Variants in TMEM120B observed in about 807,000 individuals in gnomAD.
The protein encoded by TMEM120B is transmembrane protein 120B.
In TMEM120B, 31 loss-of-function variants were observed where a neutral mutation model predicts 55.5. The observed-to-expected ratio is 0.56, with a 90% confidence interval of 0.42 to 0.75. TMEM120B has a LOEUF of 0.75. TMEM120B is among the 30% of genes least tolerant of loss of function. The pLI is 0.00. For missense variants in TMEM120B, 399 were observed against 425.5 expected, an observed-to-expected ratio of 0.94 and a Z score of 0.55; for synonymous variants, 203 against 176.3, an observed-to-expected ratio of 1.15 and a Z score of -1.20.
chr12:121,728,316 T>C (rs1017635223), intron 1 of TMEM120B, among the ~76,000 whole-genome samples: 2 of 150,724 alleles, frequency 1.3e-5, no homozygotes, highest in African/African-American at 4.9e-5. Context: ...AGTGAAACCC[T>C]GCCTCTACTA....
At chr12:121,757,729 G>A (rs1873526828) in intron 5 of TMEM120B, among the ~76,000 whole-genome samples, 1 of 152,152 alleles carries the variant, frequency 6.6e-6, no homozygotes, top group African/African-American at 2.4e-5. Context: ...TGTTAGCCAG[G>A]ATGGTCTCGA....
chr12:121,728,118 C>T (rs537069601), intron 1 of TMEM120B, among the ~76,000 whole-genome samples: 4 of 151,680 alleles, frequency 2.6e-5, no homozygotes, highest in East Asian at 2.0e-4. Context: ...AGTGATTCTC[C>T]GGCCTCAGCC....
chr12:121,731,667 A>G (rs1425452398), intron 1 of TMEM120B, among the ~76,000 whole-genome samples: 2 of 152,248 alleles, frequency 1.3e-5, no homozygotes, highest in Non-Finnish European at 2.9e-5. Context: ...TAATGACGGC[A>G]TCGCCTAATA....
rs1177130470 is a variant in TMEM120B at position 121,776,502 on chromosome 12, C to T, written c.*780C>T. The T allele has an allele frequency of 6.6e-6, 1 of 152,254 alleles. No individual in the cohort carries two copies. Among genetic ancestry groups the T allele is most frequent in the Non-Finnish European group, 1.5e-5 (1 of 68,076 alleles). 9.4% of individuals were successfully genotyped at this position (152,254 alleles called of 1,614,324 possible). A position where few individuals can be genotyped will look rare whatever the true frequency, so the allele number is the denominator to read the frequency against. ...CCTGTGGAGGGGAACCACCTCCCCC[C>T]TCCTTCCCAGAGCTTCTGGATGTTG... On this transcript the variant is annotated 3_prime_UTR_variant, in exon 12 of 12. Coordinates refer to ENST00000449592, the MANE Select transcript of TMEM120B (RefSeq NM_001080825.2).
At position 121,748,401 on chromosome 12, in the gene TMEM120B, C is replaced by T. The variant is rs367697914; in HGVS notation, c.264C>T (p.Asp88=). The change falls in exon 3 of 12, where the codon GAC becomes GAT. Residue 88 remains aspartate, a synonymous_variant. Transcript: ENST00000449592. ...QMAANIKERQ[D]VFFDMEAYLP... ...CAGCGAACATCAAGGAGCGGCAGGA[C>T]GTCTTCTTCGACATGGAGGCCTACC... The T allele has an allele frequency of 8.7e-6, 14 of 1,610,726 alleles. No homozygotes were observed. The highest frequency in any genetic ancestry group is 3.3e-5 in the South Asian group (3 of 91,024).
chr12:121,759,795 G>C (rs554424647), intron 5 of TMEM120B, among the ~76,000 whole-genome samples: 1 of 152,032 alleles, frequency 6.6e-6, no homozygotes, highest in East Asian at 1.9e-4. Flanking sequence ...TCAGGAGTTC[G>C]ATACCAGCCT....
At chr12:121,765,001 C>T (rs1451657928) in intron 6 of TMEM120B, among the ~76,000 whole-genome samples, 1 of 152,208 alleles carries the variant, frequency 6.6e-6, no homozygotes, top group Middle Eastern at 3.2e-3. Context: ...TACCCTCCAT[C>T]TGCCATTCAT....
chr12:121,752,111 C>G lies in TMEM120B; in HGVS notation c.366-17C>G. On this transcript the variant is annotated splice_polypyrimidine_tract_variant and intron_variant, in intron 4 of 11. Transcript: ENST00000449592. ...TCATGGTAAGGGGCACACCCCTGGG[C>G]GTGTCTGTCGTGGCAGGTTCGCCTA... is the stretch of plus-strand genomic sequence containing the variant. 1 of 1,605,248 alleles carries G rather than the reference C, an allele frequency of 6.2e-7. No individual in the cohort carries two copies. The highest frequency in any genetic ancestry group is 8.5e-7 in the Non-Finnish European group (1 of 1,172,870).
chr12:121,769,317 G>A (rs1190567363), intron 6 of TMEM120B, among the ~76,000 whole-genome samples: 1 of 152,098 alleles, frequency 6.6e-6, no homozygotes, highest in Non-Finnish European at 1.5e-5. Context: ...TGTAGCTCCT[G>A]GGGAGAAGCT....
intron 1 of TMEM120B, among the ~76,000 whole-genome samples, chr12:121,731,597 T>G (rs1036758041): frequency 6.6e-6 from 1 of 152,200 alleles, no homozygotes; most frequent in Non-Finnish European, 1.5e-5. Flanking sequence ...TGTAGGTTTG[T>G]AGCCCAGGAG....
rs772233201 is a variant in TMEM120B at position 121,779,485 on chromosome 12, T to G, written c.*3763T>G. ...GCCCTGTCAGTGCTGTCGTGAGGTC[T>G]GTCTGCCCTGGGTCAGAGCAGCAGG... On this transcript the variant is annotated 3_prime_UTR_variant, in exon 12 of 12. Coordinates refer to ENST00000449592, the MANE Select transcript of TMEM120B (RefSeq NM_001080825.2). 2 of 1,609,880 alleles carry G rather than the reference T, an allele frequency of 1.2e-6. No homozygotes were observed. Among genetic ancestry groups the G allele is most frequent in the Non-Finnish European group, 1.7e-6 (2 of 1,179,804 alleles).
chr12:121,738,169 G>A (rs959706927), intron 1 of TMEM120B, among the ~76,000 whole-genome samples: 1 of 152,052 alleles, frequency 6.6e-6, no homozygotes, highest in Non-Finnish European at 1.5e-5. Context: ...TGAGGCAGGA[G>A]AATTGCTTGA....
chr12:121,779,239 T>G lies in TMEM120B; in HGVS notation c.*3517T>G. 2 of 526,022 alleles carry G rather than the reference T, an allele frequency of 3.8e-6. No homozygotes were observed. Among genetic ancestry groups the G allele is most frequent in the Admixed American group, 6.2e-5 (2 of 32,042 alleles). 32.6% of individuals were successfully genotyped at this position (526,022 alleles called of 1,614,324 possible). A position where few individuals can be genotyped will look rare whatever the true frequency, so the allele number is the denominator to read the frequency against. On this transcript the variant is annotated 3_prime_UTR_variant, in exon 12 of 12. Coordinates refer to ENST00000449592, the MANE Select transcript of TMEM120B (RefSeq NM_001080825.2). Reference sequence around the variant, plus strand: ...ACACTCGTGGTGGGGGTGGCTGTGATGAGGGCACTTGCGAGTCCCGACAAC... The same window carrying G: ...ACACTCGTGGTGGGGGTGGCTGTGAGGAGGGCACTTGCGAGTCCCGACAAC...
chr12:121,743,555 CAAAA>C, intron 1 of TMEM120B, 70 bp from the exon 2 acceptor site: 2 of 969,442 alleles, frequency 2.1e-6, no homozygotes, highest in Non-Finnish European at 3.0e-6. Context: ...GAGACTCTCT[CAAAA>C]AAAAAAAGAA....
intron 6 of TMEM120B, among the ~76,000 whole-genome samples, chr12:121,765,529 C>T (rs1003498539): frequency 2.0e-5 from 3 of 152,124 alleles, no homozygotes; most frequent in African/African-American, 7.2e-5. Context: ...CCTTGGTGGT[C>T]TGAGGCAGGG....
At chr12:121,771,042 G>A (rs1874029981) in intron 7 of TMEM120B, 70 bp downstream of exon 7, 2 of 1,540,030 alleles carry the variant, frequency 1.3e-6, no homozygotes, top group Non-Finnish European at 1.8e-6. Flanking sequence ...AATGGGGAGG[G>A]GGCTGATCCA....
Position 121,742,426 on chromosome 12 carries a change from CAA to C in TMEM120B, c.70-1200_70-1199del, listed in dbSNP as rs376017543. Among the ~76,000 whole-genome samples the C allele has an allele frequency of 3.3e-3, 505 of 152,150 alleles. 3 individuals carry two copies. Among genetic ancestry groups the C allele is most frequent in the African/African-American group, 0.012 (479 of 41,548 alleles). On this transcript the variant is annotated intron_variant, in intron 1 of 11. Coordinates refer to ENST00000449592, the MANE Select transcript of TMEM120B (RefSeq NM_001080825.2). ...AATCCATCTCTTCAACTGCTAAAAA[CAA>C]AACAAAACAAAAAAAATCACTTTAA... is the stretch of plus-strand genomic sequence containing the variant.
intron 1 of TMEM120B, among the ~76,000 whole-genome samples, chr12:121,724,968 C>T (rs867901925): frequency 2.0e-5 from 3 of 152,120 alleles, no homozygotes; most frequent in African/African-American, 4.8e-5. Context: ...CAGTCATTTA[C>T]GTGGTTAGGA....
chr12:121,756,277 C>T (rs541719796), intron 5 of TMEM120B, among the ~76,000 whole-genome samples: 3 of 152,190 alleles, frequency 2.0e-5, no homozygotes, highest in South Asian at 2.1e-4. Context: ...GTTGGAGGAT[C>T]GCTTGAGCCC....
Sources: allele counts gnomAD v4.1 joint callset (sites outside exome capture counted in the v4.1 genomes callset), GRCh38; gene constraint gnomAD v4.1.1; transcripts MANE v1.5; gene names NCBI Gene and HGNC (gene_info 2026-07-23, HGNC 2026-07-21).